The following ADAM10 variants were observed in gnomAD, a reference collection of about 807,000 sequenced individuals.
ADAM10 encodes the protein disintegrin and metalloproteinase domain-containing protein 10.
In ADAM10, 17 loss-of-function variants were observed where a neutral mutation model predicts 90.1. That is an observed-to-expected ratio of 0.19 (90% confidence interval 0.13 to 0.28). The LOEUF is 0.28. ADAM10 is among the 10% of genes least tolerant of loss of function. The probability of loss-of-function intolerance (pLI) is 1.00; values close to 1 mark genes in which losing one functional copy is unlikely to be tolerated. For missense variants in ADAM10, 610 were observed against 914.3 expected (o/e 0.67, Z 4.29); for synonymous variants, 310 against 298.6 (o/e 1.04, Z -0.40).
intron 1 of ADAM10, among the ~76,000 whole-genome samples, chr15:58,723,332 A>G (rs1422219491): frequency 6.6e-6 from 1 of 152,102 alleles, no homozygotes; most frequent in African/African-American, 2.4e-5. Context: ...CAGCCCCTCA[A>G]ACTAAGATTG....
At chr15:58,699,257 T>C (rs1158706685) in intron 2 of ADAM10, among the ~76,000 whole-genome samples, 2 of 152,204 alleles carry the variant, frequency 1.3e-5, no homozygotes, top group Non-Finnish European at 2.9e-5. Context: ...AACAGGTAAT[T>C]TGACACAACT....
intron 2 of ADAM10, among the ~76,000 whole-genome samples, chr15:58,687,399 T>A (rs1464258934): frequency 6.6e-6 from 1 of 152,222 alleles, no homozygotes; most frequent in Non-Finnish European, 1.5e-5. Flanking sequence ...CACAGAACAT[T>A]GTAAATGATT....
chr15:58,699,632 A>G (rs1053092483), intron 2 of ADAM10, among the ~76,000 whole-genome samples: 6 of 151,970 alleles, frequency 3.9e-5, no homozygotes, highest in Non-Finnish European at 5.9e-5. Context: ...AAATTAGCCA[A>G]GCATGGTGGC....
At chr15:58,642,596 A>T (rs773536164) in intron 7 of ADAM10, among the ~76,000 whole-genome samples, 1 of 152,218 alleles carries the variant, frequency 6.6e-6, no homozygotes, top group Non-Finnish European at 1.5e-5. Flanking sequence ...TAAAGTTTTA[A>T]TAAGAGGTAA....
At chr15:58,727,033 G>A (rs1899054233) in intron 1 of ADAM10, among the ~76,000 whole-genome samples, 1 of 151,798 alleles carries the variant, frequency 6.6e-6, no homozygotes, top group African/African-American at 2.4e-5. Flanking sequence ...TAAGAGACAG[G>A]GTCTCACTCA....
At chr15:58,670,505 G>C (rs1270674466) in intron 4 of ADAM10, among the ~76,000 whole-genome samples, 1 of 152,038 alleles carries the variant, frequency 6.6e-6, no homozygotes, top group African/African-American at 2.4e-5. Flanking sequence ...CCATTAGTTG[G>C]CAGGCTGGTA....
At chr15:58,607,296 A>G (rs1474629652) in intron 14 of ADAM10, among the ~76,000 whole-genome samples, 1 of 152,270 alleles carries the variant, frequency 6.6e-6, no homozygotes, top group African/African-American at 2.4e-5. Context: ...CTGGTATACA[A>G]TCAGGATTGA....
At chr15:58,649,998 T>C (rs1896646649) in intron 5 of ADAM10, among the ~76,000 whole-genome samples, 1 of 152,180 alleles carries the variant, frequency 6.6e-6, no homozygotes, top group Non-Finnish European at 1.5e-5. Context: ...TTGCTCTATT[T>C]TCTTATACTA....
chr15:58,631,221 T>C (rs1193842885), intron 9 of ADAM10, among the ~76,000 whole-genome samples: 4 of 152,082 alleles, frequency 2.6e-5, no homozygotes, highest in Non-Finnish European at 5.9e-5. Context: ...AATAAACCTC[T>C]TTTCTTTATA....
chr15:58,668,942 T>C (rs1249597931), intron 4 of ADAM10, among the ~76,000 whole-genome samples: 1 of 152,140 alleles, frequency 6.6e-6, no homozygotes, highest in Non-Finnish European at 1.5e-5. Flanking sequence ...TCTAACACTT[T>C]AAATTGTTTC....
At position 58,645,905 on chromosome 15, in the gene ADAM10, A is replaced by G. The variant is rs569583786; in HGVS notation, c.735+150T>C. On this transcript the variant is annotated intron_variant, in intron 6 of 15. Coordinates refer to ENST00000260408, the MANE Select transcript of ADAM10 (RefSeq NM_001110.4). ...ATCCCAACTGGTCTTTCAGTTATCC[A>G]TGTACTTATCTTACACATTTTATCA... is the stretch of plus-strand genomic sequence containing the variant. The G allele has an allele frequency of 9.8e-5, 76 of 776,190 alleles. No individual in the cohort carries two copies. The East Asian group carries it at 1.9e-3, about 19-fold the overall frequency. The allele number at this position is 776,190 out of a possible 1,614,324, so 48.1% of individuals were successfully genotyped here. A position where few individuals can be genotyped will look rare whatever the true frequency, so the allele number is the denominator to read the frequency against.
At chr15:58,688,373 AAAAC>A (rs1164692678) in intron 2 of ADAM10, among the ~76,000 whole-genome samples, 3 of 152,124 alleles carry the variant, frequency 2.0e-5, no homozygotes, top group Admixed American at 6.6e-5. Flanking sequence ...AATTTTAAAA[AAAAC>A]AAACAACGAC....
At chr15:58,607,539 T>G (rs1895312115) in intron 14 of ADAM10, among the ~76,000 whole-genome samples, 1 of 152,218 alleles carries the variant, frequency 6.6e-6, no homozygotes. Flanking sequence ...TAGTGTTCTG[T>G]TAAGCATTTG....
intron 2 of ADAM10, among the ~76,000 whole-genome samples, chr15:58,709,675 G>C (rs898478539): frequency 8.5e-5 from 13 of 152,110 alleles, no homozygotes; most frequent in Non-Finnish European, 1.8e-4. Flanking sequence ...AGGTGGCAGA[G>C]GTTGCAGTGA....
In ADAM10 at chr15:58,593,998, CAACAT is replaced by C. The variant is rs1894888301; in HGVS notation, c.*3544_*3548del. Reference sequence around the variant, plus strand: ...TGGAAGTTGTTTTTAATCAAGAACACAACATGAGAGATGCTGAAACTGAAGTTGTC... The same window carrying C: ...TGGAAGTTGTTTTTAATCAAGAACACGAGAGATGCTGAAACTGAAGTTGTC... On this transcript the variant is annotated 3_prime_UTR_variant, in exon 16 of 16. Transcript: ENST00000260408. The C allele has an allele frequency of 6.6e-6, 1 of 152,104 alleles. No homozygotes were observed. The highest frequency in any genetic ancestry group is 1.5e-5 in the Non-Finnish European group (1 of 68,006). 9.4% of individuals were successfully genotyped at this position (152,104 alleles called of 1,614,324 possible).
chr15:58,639,795 C>T (rs1164790857), intron 8 of ADAM10, among the ~76,000 whole-genome samples: 2 of 151,710 alleles, frequency 1.3e-5, no homozygotes, highest in Non-Finnish European at 2.9e-5. Context: ...AAATACAGCA[C>T]TACTTAAGAT....
At chr15:58,720,783 T>A (rs1898826283) in intron 1 of ADAM10, among the ~76,000 whole-genome samples, 1 of 152,178 alleles carries the variant, frequency 6.6e-6, no homozygotes, top group Non-Finnish European at 1.5e-5. Context: ...AACATACTTA[T>A]AAATGTAGTA....
intron 2 of ADAM10, chr15:58,691,291 C>T: frequency 1.6e-6 from 2 of 1,252,496 alleles, no homozygotes; most frequent in South Asian, 2.5e-5. Flanking sequence ...TCCTTGGTAA[C>T]TGACAGCAGG....
At chr15:58,677,159 C>A (rs1048587940) in intron 4 of ADAM10, among the ~76,000 whole-genome samples, 1 of 152,146 alleles carries the variant, frequency 6.6e-6, no homozygotes, top group African/African-American at 2.4e-5. Context: ...GAACTCCTTC[C>A]GTACTCCCAT....
Sources: allele counts gnomAD v4.1 joint callset (sites outside exome capture counted in the v4.1 genomes callset), GRCh38; gene constraint gnomAD v4.1.1; transcripts MANE v1.5; gene names NCBI Gene and HGNC (gene_info 2026-07-23, HGNC 2026-07-21).